Variants in MLLT10 observed in about 807,000 individuals in gnomAD.
The protein encoded by MLLT10 is protein AF-10.
In MLLT10, 30 loss-of-function variants were observed where a neutral mutation model predicts 129.1. That is an observed-to-expected ratio of 0.23 (90% CI 0.17 to 0.32). The LOEUF is 0.32. MLLT10 is among the 10% of genes least tolerant of loss of function. The probability of loss-of-function intolerance (pLI) is 1.00; values close to 1 mark genes in which losing one functional copy is unlikely to be tolerated. For synonymous variants in MLLT10, 490 were observed against 446.4 expected (o/e 1.10, Z -1.23); for missense variants, 1,119 against 1,268.3 (o/e 0.88, Z 1.79).
chr10:21,638,268 G>GGGGC lies in MLLT10; in HGVS notation c.700-13403_700-13402insGCGG, dbSNP rs1554827287. ...ATTCTTCTTTTTGGTGGGGGGAGGG[G>GGGGC]GGCGGGGGCACTAAGGAATATTTTA... On this transcript the variant is annotated intron_variant, in intron 8 of 22. Coordinates refer to ENST00000307729, the MANE Select transcript of MLLT10 (RefSeq NM_001195626.3). Among the ~76,000 whole-genome samples, 45 of 102,572 alleles carry GGGGC rather than the reference G, an allele frequency of 4.4e-4. 1 individual carries two copies. The highest frequency in any genetic ancestry group is 9.6e-3 in the Middle Eastern group (1 of 104). The allele number at this position is 102,572 out of a possible 152,430, so 67.3% of individuals were successfully genotyped here. A position where few individuals can be genotyped will look rare whatever the true frequency, so the allele number is the denominator to read the frequency against.
chr10:21,666,763 A>G (rs2131364008), intron 9 of MLLT10, among the ~76,000 whole-genome samples: 1 of 152,290 alleles, frequency 6.6e-6, no homozygotes, highest in South Asian at 2.1e-4. Flanking sequence ...CTCTTTTCAC[A>G]GTTTCAGTTA....
chr10:21,685,480 GC>G (rs1388710955), intron 13 of MLLT10, among the ~76,000 whole-genome samples: 2 of 151,914 alleles, frequency 1.3e-5, no homozygotes, highest in African/African-American at 4.8e-5. Flanking sequence ...GATTACAGGC[GC>G]CCACCACCAT....
chr10:21,713,216 C>T (rs1589771984), intron 13 of MLLT10, among the ~76,000 whole-genome samples: 1 of 152,228 alleles, frequency 6.6e-6, no homozygotes, highest in Admixed American at 6.5e-5. Context: ...TGGAATGTCT[C>T]TAGAATCTAC....
intron 3 of MLLT10, among the ~76,000 whole-genome samples, chr10:21,561,886 AC>A (rs1299901547): frequency 6.6e-6 from 1 of 150,816 alleles, no homozygotes; most frequent in Non-Finnish European, 1.5e-5. Flanking sequence ...GCTCACTGCA[AC>A]CTCTGCCTCC....
intron 12 of MLLT10, 109 bp from the exon 13 acceptor site, chr10:21,682,116 T>TA: frequency 1.2e-6 from 1 of 824,700 alleles, no homozygotes; most frequent in Non-Finnish European, 1.9e-6. Flanking sequence ...CAATGATATA[T>TA]GATAGACTTA....
intron 4 of MLLT10, 66 bp from the exon 5 acceptor site, chr10:21,595,261 TAAGG>T (rs1233112154): frequency 5.3e-6 from 6 of 1,132,268 alleles, no homozygotes; most frequent in Non-Finnish European, 6.5e-6. Flanking sequence ...AGGGATCTGT[TAAGG>T]AAGTTAACGG....
At chr10:21,610,190 T>G (rs2044462582) in intron 5 of MLLT10, among the ~76,000 whole-genome samples, 1 of 152,216 alleles carries the variant, frequency 6.6e-6, no homozygotes, top group Non-Finnish European at 1.5e-5. Flanking sequence ...AACTTTCCAC[T>G]CTACTAAAAG....
chr10:21,649,188 G>A (rs138214058), intron 8 of MLLT10, among the ~76,000 whole-genome samples: 272 of 152,178 alleles, frequency 1.8e-3, no homozygotes, highest in Non-Finnish European at 3.1e-3. Context: ...CAATCCTCCC[G>A]CCTTGGCCCT....
intron 8 of MLLT10, among the ~76,000 whole-genome samples, chr10:21,649,211 G>T (rs1285770034): frequency 6.6e-6 from 1 of 152,112 alleles, no homozygotes; most frequent in African/African-American, 2.4e-5. Context: ...TAGTAGCTGG[G>T]ACCACAGGTT....
rs1321069892 is a variant in MLLT10, at chr10:21,742,010, T to G, written c.*27T>G. 1.2e-6 allele frequency: 2 copies of G among 1,609,690 alleles called. No homozygotes were observed. Among genetic ancestry groups the G allele is most frequent in the Non-Finnish European group, 1.7e-6 (2 of 1,177,794 alleles). On this transcript the variant is annotated 3_prime_UTR_variant, in exon 23 of 23. Transcript: ENST00000307729. Reference sequence around the variant, plus strand: ...ACCTGAGAAACATCTAGAAATTGCCTATCCTGCTGTTCTAGCACTTCATCT... The same window carrying G: ...ACCTGAGAAACATCTAGAAATTGCCGATCCTGCTGTTCTAGCACTTCATCT...
chr10:21,629,039 C>A (rs1010904552), intron 8 of MLLT10, among the ~76,000 whole-genome samples: 1 of 152,014 alleles, frequency 6.6e-6, no homozygotes, highest in Non-Finnish European at 1.5e-5. Context: ...CTGCCACACC[C>A]AGCCGCTGGA....
At chr10:21,585,690 C>T (rs1036161389) in intron 3 of MLLT10, among the ~76,000 whole-genome samples, 1 of 152,140 alleles carries the variant, frequency 6.6e-6, no homozygotes, top group East Asian at 1.9e-4. Flanking sequence ...TTTTTTCTCC[C>T]GCTCCCCAGG....
At chr10:21,586,729 AT>A (rs996079153) in intron 4 of MLLT10, among the ~76,000 whole-genome samples, 3 of 152,068 alleles carry the variant, frequency 2.0e-5, no homozygotes, top group African/African-American at 7.2e-5. Flanking sequence ...TCTACTAAAA[AT>A]AGAAAAATTA....
chr10:21,713,304 C>A (rs902856166), intron 13 of MLLT10, among the ~76,000 whole-genome samples: 1 of 152,190 alleles, frequency 6.6e-6, no homozygotes, highest in Non-Finnish European at 1.5e-5. Context: ...CAAGTTGGGC[C>A]TGTTCCATTT....
intron 13 of MLLT10, chr10:21,708,494 T>A (rs61851872): frequency 0.023 from 20,039 of 870,520 alleles, 269 homozygotes; most frequent in Non-Finnish European, 0.025. Flanking sequence ...ATTTTCATTT[T>A]CAAAGAAAGA....
chr10:21,566,111 GGC>G (rs748965179), intron 3 of MLLT10, among the ~76,000 whole-genome samples: 3 of 151,432 alleles, frequency 2.0e-5, no homozygotes, highest in Non-Finnish European at 4.4e-5. Context: ...CACCACGCCT[GGC>G]TAAATTTTTT....
chr10:21,721,455 C>A (rs2057129413), intron 14 of MLLT10, among the ~76,000 whole-genome samples: 1 of 152,112 alleles, frequency 6.6e-6, no homozygotes, highest in South Asian at 2.1e-4. Flanking sequence ...TGAACCTTTT[C>A]CCCCACGCAG....
chr10:21,574,516 A>T (rs780177859), intron 3 of MLLT10, among the ~76,000 whole-genome samples: 2 of 152,208 alleles, frequency 1.3e-5, no homozygotes, highest in Non-Finnish European at 2.9e-5. Flanking sequence ...CAAGTAACTT[A>T]TTAAGAAAGT....
Position 21,670,434 on chromosome 10 carries a change from G to A in MLLT10, c.796-15G>A. The A allele has an allele frequency of 6.3e-7, 1 of 1,575,230 alleles. No individual in the cohort carries two copies. Among genetic ancestry groups the A allele is most frequent in the Non-Finnish European group, 8.6e-7 (1 of 1,163,124 alleles). ...ATCAACTCTTTTTCCTTCCCTTTTT[G>A]AATCAAAATGTTAGACTTATACAAG... On this transcript the variant is annotated splice_polypyrimidine_tract_variant and intron_variant, in intron 9 of 22. Transcript: ENST00000307729.
Sources: allele counts gnomAD v4.1 joint callset (sites outside exome capture counted in the v4.1 genomes callset), GRCh38; gene constraint gnomAD v4.1.1; transcripts MANE v1.5; gene names NCBI Gene and HGNC (gene_info 2026-07-23, HGNC 2026-07-21).